The following CYB5R4 variants were observed in gnomAD, a reference collection of about 807,000 sequenced individuals.
CYB5R4 encodes cytochrome b5 reductase 4.
In CYB5R4, 55 loss-of-function variants were observed where a neutral mutation model predicts 70.2. That is an observed-to-expected ratio of 0.78 (90% CI 0.63 to 0.98). The LOEUF is 0.98. Ranked by LOEUF, CYB5R4 falls within the 50% of genes least tolerant of loss-of-function variation. CYB5R4 has a pLI of 0.00. For missense variants in CYB5R4, 562 were observed against 612.6 expected (o/e 0.92, Z 0.87); for synonymous variants, 197 against 199.5 (o/e 0.99, Z 0.11).
intron 11 of CYB5R4, 82 bp from the exon 12 acceptor site, chr6:83,936,142 T>G: frequency 2.1e-6 from 2 of 938,946 alleles, no homozygotes; most frequent in Non-Finnish European, 3.1e-6. Context: ...ATACTGATAG[T>G]GTCAAAATTT....
chr6:83,862,982 T>A (rs2129127116), intron 1 of CYB5R4, among the ~76,000 whole-genome samples: 1 of 152,310 alleles, frequency 6.6e-6, no homozygotes, highest in Non-Finnish European at 1.5e-5. Flanking sequence ...TTCAGGAAAG[T>A]GAGATATGTA....
intron 2 of CYB5R4, among the ~76,000 whole-genome samples, chr6:83,892,427 T>TA (rs149243361): frequency 0.048 from 7,358 of 152,072 alleles, 228 homozygotes; most frequent in Middle Eastern, 0.14. Flanking sequence ...CCTGGATATT[T>TA]AAAAAAAACC....
At chr6:83,943,103 C>G (rs1216698065) in intron 14 of CYB5R4, among the ~76,000 whole-genome samples, 3 of 152,156 alleles carry the variant, frequency 2.0e-5, no homozygotes, top group African/African-American at 7.2e-5. Context: ...GCACAGTGCT[C>G]GAGCTCTGCT....
At chr6:83,930,294 G>C (rs2099467957) in intron 10 of CYB5R4, among the ~76,000 whole-genome samples, 1 of 152,050 alleles carries the variant, frequency 6.6e-6, no homozygotes, top group Non-Finnish European at 1.5e-5. Context: ...TTTCACAAAA[G>C]ATTTTTCTGA....
intron 8 of CYB5R4, among the ~76,000 whole-genome samples, chr6:83,921,812 T>C (rs2099466426): frequency 6.6e-6 from 1 of 152,204 alleles, no homozygotes; most frequent in Non-Finnish European, 1.5e-5. Flanking sequence ...AAATTCCAGA[T>C]AACCATATGA....
At chr6:83,917,928 T>G (rs964395443) in intron 5 of CYB5R4, 77 bp from the exon 6 acceptor site, 2 of 1,074,634 alleles carry the variant, frequency 1.9e-6, no homozygotes, top group Non-Finnish European at 2.8e-6. Context: ...ATGTGATATT[T>G]CACTAAGAAG....
At chr6:83,928,509 A>C (rs550298411) in intron 10 of CYB5R4, among the ~76,000 whole-genome samples, 326 of 152,276 alleles carry the variant, frequency 2.1e-3, no homozygotes, top group African/African-American at 7.5e-3. Context: ...AGAAAAAAAA[A>C]ACAAAACAAA....
intron 11 of CYB5R4, 52 bp downstream of exon 11, chr6:83,934,787 A>G: frequency 6.7e-7 from 1 of 1,493,678 alleles, no homozygotes; most frequent in Non-Finnish European, 9.1e-7. Context: ...TAAGCAGTTC[A>G]AAATCAGTAC....
intron 4 of CYB5R4, 126 bp from the exon 5 acceptor site, chr6:83,914,290 C>G (rs2099465142): frequency 9.6e-7 from 1 of 1,043,900 alleles, no homozygotes; most frequent in Non-Finnish European, 1.3e-6. Context: ...TGTTTCTCTC[C>G]TCAGGCCTTA....
intron 2 of CYB5R4, among the ~76,000 whole-genome samples, chr6:83,866,442 A>AT (rs1251551157): frequency 6.6e-6 from 1 of 152,178 alleles, no homozygotes; most frequent in East Asian, 1.9e-4. Flanking sequence ...AAAATGCTCC[A>AT]TTGAGTGTTT....
chr6:83,957,051 A>G (rs1339235529), intron 15 of CYB5R4, among the ~76,000 whole-genome samples: 1 of 151,830 alleles, frequency 6.6e-6, no homozygotes, highest in Non-Finnish European at 1.5e-5. Context: ...AATGTATTTT[A>G]TTTTTAATTA....
chr6:83,947,800 T>C (rs2099470865), intron 14 of CYB5R4, among the ~76,000 whole-genome samples: 1 of 151,956 alleles, frequency 6.6e-6, no homozygotes, highest in African/African-American at 2.4e-5. Flanking sequence ...ATTAGAGAAA[T>C]GCAAGTCAAA....
intron 10 of CYB5R4, among the ~76,000 whole-genome samples, chr6:83,928,887 T>C (rs996608421): frequency 6.6e-6 from 1 of 152,154 alleles, no homozygotes; most frequent in Non-Finnish European, 1.5e-5. Context: ...GAAATACTAG[T>C]TAGAACGACA....
intron 11 of CYB5R4, 74 bp downstream of exon 11, chr6:83,934,809 G>C (rs954708535): frequency 7.7e-7 from 1 of 1,301,492 alleles, no homozygotes; most frequent in Non-Finnish European, 1.1e-6. Flanking sequence ...ATTCTCTCTA[G>C]AAAACAACCA....
chr6:83,874,636 G>A (rs574498931), intron 2 of CYB5R4, among the ~76,000 whole-genome samples: 19 of 149,660 alleles, frequency 1.3e-4, no homozygotes, highest in African/African-American at 4.7e-4. Context: ...TTCAATTCTT[G>A]CCTTTCATTC....
chr6:83,923,765 G>C (rs1427779793), intron 9 of CYB5R4, among the ~76,000 whole-genome samples: 1 of 152,006 alleles, frequency 6.6e-6, no homozygotes, highest in Non-Finnish European at 1.5e-5. Context: ...CTCAGTATTA[G>C]TCTACTGAAT....
Position 83,964,123 on chromosome 6 carries a change from T to A in CYB5R4, c.*4245T>A. The A allele has an allele frequency of 6.0e-6, 1 of 167,072 alleles. No individual in the cohort carries two copies. Among genetic ancestry groups the A allele is most frequent in the East Asian group, 1.8e-4 (1 of 5,714 alleles). 10.3% of individuals were successfully genotyped at this position (167,072 alleles called of 1,614,324 possible). A position where few individuals can be genotyped will look rare whatever the true frequency, so the allele number is the denominator to read the frequency against. On this transcript the variant is annotated 3_prime_UTR_variant, in exon 16 of 16. Transcript: ENST00000369681. ...GCAGCGTGAAAATGGACTAATACAG[T>A]AAATTGGTACCAGTAGAGCAGGTGT... is the stretch of plus-strand genomic sequence containing the variant.
intron 3 of CYB5R4, 92 bp from the exon 4 acceptor site, chr6:83,908,917 G>A: frequency 1.1e-6 from 1 of 936,394 alleles, no homozygotes; most frequent in Non-Finnish European, 1.7e-6. Flanking sequence ...TGTTGAGAGT[G>A]GTTTCAGAAA....
At chr6:83,928,905 G>C (rs147739481) in intron 10 of CYB5R4, among the ~76,000 whole-genome samples, 1 of 152,234 alleles carries the variant, frequency 6.6e-6, no homozygotes, top group African/African-American at 2.4e-5. Flanking sequence ...ACATCATTCA[G>C]ATATTCTCTG....
Sources: allele counts gnomAD v4.1 joint callset (sites outside exome capture counted in the v4.1 genomes callset), GRCh38; gene constraint gnomAD v4.1.1; transcripts MANE v1.5; gene names NCBI Gene and HGNC (gene_info 2026-07-23, HGNC 2026-07-21).